The following CCDC144A variants were observed in gnomAD, a reference collection of about 807,000 sequenced individuals.
The protein encoded by CCDC144A is coiled-coil domain-containing protein 144A.
In CCDC144A, 41 loss-of-function variants were observed where a neutral mutation model predicts 143.8. The ratio of observed to expected loss-of-function variants is 0.29; its 90% CI spans 0.22 to 0.37. CCDC144A has a LOEUF of 0.37. Ranked by LOEUF, CCDC144A falls within the 10% of genes least tolerant of loss-of-function variation. The pLI, the probability that CCDC144A is intolerant of heterozygous loss-of-function variation, is 1.00. For missense variants in CCDC144A, 637 were observed against 1,488.8 expected (o/e 0.43, Z 9.41); for synonymous variants, 242 against 517.9 (o/e 0.47, Z 7.23).
At chr17:16,761,344 A>G in intron 12 of CCDC144A, 81 bp from the exon 13 acceptor site, 1 of 1,500,006 alleles carries the variant, frequency 6.7e-7, no homozygotes. Flanking sequence ...AAAAAAAAAA[A>G]AAAAAAAATT....
At chr17:16,772,709 G>C (rs1449402815) in intron 16 of CCDC144A, 1 of 1,613,198 alleles carries the variant, frequency 6.2e-7, no homozygotes, top group Non-Finnish European at 8.5e-7. Flanking sequence ...TCATCCTTCA[G>C]GTATCCACTA....
chr17:16,741,149 T>C (rs1016872836), intron 12 of CCDC144A, among the ~76,000 whole-genome samples: 276 of 152,214 alleles, frequency 1.8e-3, no homozygotes, highest in African/African-American at 6.0e-3. Context: ...TTTAAATTTA[T>C]TTTTCTGGTT....
chr17:16,724,787 ATTTTTTTTTTTTTTTTTTTTT>A (rs760344292), intron 8 of CCDC144A, among the ~76,000 whole-genome samples: 34 of 35,112 alleles, frequency 9.7e-4, no homozygotes, highest in African/African-American at 3.5e-3. Context: ...GATTAACTGA[ATTTTTTTTTTTTTTTTTTTTT>A]TTTTTTTTTT....
intron 2 of CCDC144A, among the ~76,000 whole-genome samples, chr17:16,696,635 A>G (rs1024866305): frequency 6.9e-6 from 1 of 145,232 alleles, no homozygotes; most frequent in Non-Finnish European, 1.5e-5. Context: ...CTCTGTCTCA[A>G]AAAAAAAAAA....
At chr17:16,712,062 G>A (rs763293434) in intron 6 of CCDC144A, 12 of 499,208 alleles carry the variant, frequency 2.4e-5, no homozygotes, top group East Asian at 8.7e-5. Context: ...CCTGGGAGGC[G>A]GGGGTTGTGG....
At chr17:16,722,566 C>T (rs1913154083) in intron 8 of CCDC144A, among the ~76,000 whole-genome samples, 1 of 151,794 alleles carries the variant, frequency 6.6e-6, no homozygotes, top group African/African-American at 2.4e-5. Flanking sequence ...GTCTCGGTGT[C>T]TTATATTCTG....
intron 12 of CCDC144A, chr17:16,745,546 T>C (rs1294431518): frequency 1.5e-6 from 2 of 1,341,152 alleles, no homozygotes; most frequent in Non-Finnish European, 1.0e-6. Flanking sequence ...AAGGAATAAG[T>C]TCTCCTTCCC....
chr17:16,700,922 A>G (rs1911696256), intron 2 of CCDC144A, among the ~76,000 whole-genome samples: 1 of 152,164 alleles, frequency 6.6e-6, no homozygotes, highest in African/African-American at 2.4e-5. Context: ...ATTTTCATGG[A>G]TGGACCAGTT....
chr17:16,716,784 C>T (rs1183304479), intron 6 of CCDC144A, among the ~76,000 whole-genome samples: 3 of 150,318 alleles, frequency 2.0e-5, no homozygotes, highest in Non-Finnish European at 4.4e-5. Flanking sequence ...GTGTGAGAGT[C>T]ATTGCCTGTG....
At chr17:16,724,294 T>C (rs1350501074) in intron 8 of CCDC144A, among the ~76,000 whole-genome samples, 2 of 151,940 alleles carry the variant, frequency 1.3e-5, no homozygotes, top group African/African-American at 4.8e-5. Flanking sequence ...TCCCAGCACT[T>C]TGGGAGGCTG....
intron 11 of CCDC144A, among the ~76,000 whole-genome samples, chr17:16,733,999 C>T (rs866696422): frequency 6.6e-6 from 1 of 151,960 alleles, no homozygotes. Flanking sequence ...CATTTAGCTG[C>T]GTGTGGGGGT....
chr17:16,688,573 C>T (rs904781887), upstream of CCDC144A, among the ~76,000 whole-genome samples: 3 of 148,860 alleles, frequency 2.0e-5, no homozygotes, highest in African/African-American at 7.5e-5. Context: ...ACTGCAACCT[C>T]CACCTCCTGG....
At chr17:16,744,919 G>A (rs149240058) in intron 12 of CCDC144A, among the ~76,000 whole-genome samples, 143 of 152,124 alleles carry the variant, frequency 9.4e-4, no homozygotes, top group African/African-American at 3.0e-3. Flanking sequence ...GCTATATCTC[G>A]TTTATCCCTT....
At chr17:16,725,365 T>C (rs1435853813) in intron 8 of CCDC144A, among the ~76,000 whole-genome samples, 2 of 152,082 alleles carry the variant, frequency 1.3e-5, no homozygotes, top group Non-Finnish European at 2.9e-5. Context: ...GTCCAGTAAT[T>C]TTTATGATTT....
intron 12 of CCDC144A, chr17:16,746,271 CTTT>C (rs141884494): frequency 5.5e-4 from 426 of 778,906 alleles, no homozygotes; most frequent in African/African-American, 9.2e-4. Flanking sequence ...CTCTCTCTCT[CTTT>C]TTTTTTTTTT....
chr17:16,698,817 C>T (rs1911561760), intron 2 of CCDC144A, among the ~76,000 whole-genome samples: 1 of 152,182 alleles, frequency 6.6e-6, no homozygotes, highest in African/African-American at 2.4e-5. Context: ...TACAGGCCAG[C>T]AGTTTAGACA....
In CCDC144A at chr17:16,708,838, G is replaced by T; in HGVS notation, c.781G>T (p.Glu261Ter). 1 of 1,611,862 alleles carries T rather than the reference G, an allele frequency of 6.2e-7. No homozygotes were observed. Among genetic ancestry groups the T allele is most frequent in the Non-Finnish European group, 8.5e-7 (1 of 1,179,778 alleles). ...AGAAATGGCTAAGGATTGCGATAGA[G>T]AGGATATACCTATATATCCAGTACT... ...EPEMAKDCDR[E>*]DIPIYPVLPH... Residue 261 changes from glutamate to a stop codon, truncating the protein, a stop_gained, in exon 5 of 17, where the codon GAG becomes TAG. Transcript: ENST00000399273. LOFTEE classifies it high-confidence loss of function.
intron 1 of CCDC144A, among the ~76,000 whole-genome samples, chr17:16,691,185 T>C (rs543558154): frequency 2.0e-5 from 3 of 152,242 alleles, no homozygotes; most frequent in East Asian, 3.9e-4. Context: ...CCGCCTGTTA[T>C]GCTTTTGTCT....
At chr17:16,742,158 C>G (rs1326157150) in intron 12 of CCDC144A, among the ~76,000 whole-genome samples, 1 of 152,094 alleles carries the variant, frequency 6.6e-6, no homozygotes, top group Non-Finnish European at 1.5e-5. Flanking sequence ...ATTCATTCCT[C>G]CTATGTAACT....
Sources: allele counts gnomAD v4.1 joint callset (sites outside exome capture counted in the v4.1 genomes callset), GRCh38; gene constraint gnomAD v4.1.1; transcripts MANE v1.5; gene names NCBI Gene and HGNC (gene_info 2026-07-23, HGNC 2026-07-21).